ZNF875: variants seen among roughly 807,000 people sequenced by gnomAD.
ZNF875 encodes the protein HKR1, GLI-Kruppel zinc finger family member.
Under a neutral mutation model 11.2 loss-of-function variants are expected in ZNF875, and 14 were observed. That is an observed-to-expected ratio of 1.26 (90% CI 0.83 to 1.96). The LOEUF (loss-of-function observed/expected upper bound fraction) is 1.96, where lower values mean the gene tolerates loss of function less well. Among genes scored for constraint, ZNF875 ranks in the 30% most tolerant of loss-of-function variants. The pLI is 0.00. For synonymous variants in ZNF875, 301 were observed against 281.1 expected (o/e 1.07, Z -0.71); for missense variants, 752 against 760.4 (o/e 0.99, Z 0.13).
chr19:37,324,434 A>T (rs1279857826), intron 4 of ZNF875, among the ~76,000 whole-genome samples: 4 of 152,268 alleles, frequency 2.6e-5, no homozygotes, highest in African/African-American at 4.8e-5. Context: ...TGGTTTTTTT[A>T]AAATTACTGC....
rs183568075 is a variant in ZNF875, at chr19:37,335,119, G to T, written c.-56-50G>T. 2.7e-3 allele frequency: 1,847 copies of T among 675,638 alleles called. 5 individuals are homozygous for T. The highest frequency in any genetic ancestry group is 4.4e-3 in the Non-Finnish European group (1,614 of 365,824). 41.9% of individuals were successfully genotyped at this position (675,638 alleles called of 1,614,324 possible). A position where few individuals can be genotyped will look rare whatever the true frequency, so the allele number is the denominator to read the frequency against. The stretch of plus-strand genomic sequence containing the variant: ...TGGAGCGGACTGCGCTTCACTTCGT[G>T]GGGAGGGTGTTTCCACCTAGGCCAC... On this transcript the variant is annotated intron_variant, in intron 1 of 4. Coordinates refer to ENST00000392153, the MANE Select transcript of ZNF875 (RefSeq NM_001353803.2).
intron 3 of ZNF875, among the ~76,000 whole-genome samples, chr19:37,324,032 A>G (rs1318570552): frequency 6.6e-6 from 1 of 152,188 alleles, no homozygotes; most frequent in African/African-American, 2.4e-5. Flanking sequence ...TGATCCTAAC[A>G]GTTTAAAATT....
intron 4 of ZNF875, chr19:37,324,779 CT>C (rs11287385): frequency 0.97 from 147,080 of 150,994 alleles, 71,624 homozygotes; most frequent in African/African-American, 1. Context: ...ACCTCTCTCT[CT>C]TTTTTTTTTT....
At position 37,362,561 on chromosome 19, in the gene ZNF875, A is replaced by T; in HGVS notation, c.709A>T (p.Lys237Ter). Residue 237 changes from lysine (K) to a stop codon, truncating the protein, a stop_gained, in exon 5 of 5, where the codon AAG becomes TAG. Transcript: ENST00000392153. LOFTEE classifies it low-confidence loss of function (END_TRUNC). Reference protein sequence around the residue: ...KYEEFGPGFIKESNLLSLQKT... With the variant: ...KYEEFGPGFI ...TGAAGAGTTTGGGCCAGGCTTTATC[A>T]AGGAGTCAAACCTCCTTAGCCTCCA... is the stretch of plus-strand genomic sequence containing the variant. The T allele has an allele frequency of 6.2e-7, 1 of 1,614,208 alleles. No individual in the cohort carries two copies. Among genetic ancestry groups the T allele is most frequent in the South Asian group, 1.1e-5 (1 of 91,084 alleles).
At chr19:37,337,587 G>A (rs1417329238) in intron 2 of ZNF875, 1 of 152,166 alleles carries the variant, frequency 6.6e-6, no homozygotes, top group African/African-American at 2.4e-5. Flanking sequence ...TGGGATTACA[G>A]GTGGCGCCAC....
At chr19:37,345,501 A>G (rs2146226648) in intron 2 of ZNF875, among the ~76,000 whole-genome samples, 1 of 152,292 alleles carries the variant, frequency 6.6e-6, no homozygotes, top group South Asian at 2.1e-4. Flanking sequence ...TGATGGAGGC[A>G]TTCTGAGAAG....
upstream of ZNF875, chr19:37,317,101 A>C (rs2030261473): frequency 1.3e-5 from 2 of 148,404 alleles, no homozygotes; most frequent in South Asian, 2.2e-4. Flanking sequence ...CAGCCTCCGG[A>C]GTAGATGGGA....
At chr19:37,325,465 G>A (rs1420187726) in intron 4 of ZNF875, among the ~76,000 whole-genome samples, 1 of 151,840 alleles carries the variant, frequency 6.6e-6, no homozygotes, top group Non-Finnish European at 1.5e-5. Context: ...TGAAATTAAT[G>A]TTTTATTTCA....
Position 37,335,371 on chromosome 19 carries a change from A to C in ZNF875, c.33+114A>C, listed in dbSNP as rs2034138671. The C allele has an allele frequency of 1.4e-5, 8 of 589,844 alleles. No individual in the cohort carries two copies. In the East Asian group the frequency reaches 2.3e-4, roughly 17 times the overall value. 36.5% of individuals were successfully genotyped at this position (589,844 alleles called of 1,614,324 possible). A position where few individuals can be genotyped will look rare whatever the true frequency, so the allele number is the denominator to read the frequency against. ...GGCAAAGTCATTCCTAGCCCTAGTC[A>C]TTCCTAGTCCATAGAACAAGGAGGA... On this transcript the variant is annotated intron_variant, in intron 2 of 4. Coordinates refer to ENST00000392153, the MANE Select transcript of ZNF875 (RefSeq NM_001353803.2).
At chr19:37,347,409 T>TA in intron 3 of ZNF875, 93 bp downstream of exon 3, 1 of 1,230,842 alleles carries the variant, frequency 8.1e-7, no homozygotes, top group Non-Finnish European at 1.1e-6. Flanking sequence ...ACCTTTCCCT[T>TA]AGAGTTGAGC....
At chr19:37,350,654 A>G (rs887034619) in intron 4 of ZNF875, among the ~76,000 whole-genome samples, 2 of 152,028 alleles carry the variant, frequency 1.3e-5, no homozygotes, top group Non-Finnish European at 1.5e-5. Context: ...TTCATTACAT[A>G]AATAAGATTT....
At chr19:37,346,685 C>T (rs10417844) in intron 2 of ZNF875, 43,087 of 159,618 alleles carry the variant, frequency 0.27, 7,384 homozygotes, top group African/African-American at 0.48. Flanking sequence ...TTTGTTTGCT[C>T]TTATCCTCCC....
At chr19:37,323,123 G>T (rs1355075093) in intron 2 of ZNF875, among the ~76,000 whole-genome samples, 2 of 151,522 alleles carry the variant, frequency 1.3e-5, no homozygotes, top group Non-Finnish European at 2.9e-5. Flanking sequence ...CTAAAGGAGG[G>T]TCACAAGGAG....
chr19:37,348,467 A>G (rs1246958911), intron 4 of ZNF875, among the ~76,000 whole-genome samples: 1 of 152,122 alleles, frequency 6.6e-6, no homozygotes, highest in Non-Finnish European at 1.5e-5. Flanking sequence ...CATTTCCTTC[A>G]TATGTATGAA....
chr19:37,338,939 A>G (rs2035090924), intron 2 of ZNF875, among the ~76,000 whole-genome samples: 1 of 152,218 alleles, frequency 6.6e-6, no homozygotes, highest in South Asian at 2.1e-4. Flanking sequence ...CCTTTGCCTG[A>G]GAGGATAAAT....
chr19:37,320,534 A>G (rs114152175), intron 1 of ZNF875, among the ~76,000 whole-genome samples: 3,761 of 152,316 alleles, frequency 0.025, 179 homozygotes, highest in African/African-American at 0.085. Context: ...AGCTCAAACC[A>G]TCATTTTATT....
intron 4 of ZNF875, among the ~76,000 whole-genome samples, chr19:37,352,178 T>G (rs2146400669): frequency 6.6e-6 from 1 of 152,290 alleles, no homozygotes; most frequent in African/African-American, 2.4e-5. Flanking sequence ...CAATACCGCT[T>G]GTCTTCAGGT....
At chr19:37,317,701 TC>T (rs1412581606), upstream of ZNF875, among the ~76,000 whole-genome samples, 7 of 152,136 alleles carry the variant, frequency 4.6e-5, no homozygotes, top group Non-Finnish European at 1.0e-4. Context: ...TGTAGGCGGG[TC>T]AGGCCCAAGC....
In ZNF875 at chr19:37,363,049, TGA is replaced by T; in HGVS notation, c.1199_1200del (p.Glu400AlafsTer4). 1 of 1,614,078 alleles carries T rather than the reference TGA, an allele frequency of 6.2e-7. No individual in the cohort carries two copies. Among genetic ancestry groups the T allele is most frequent in the Non-Finnish European group, 8.5e-7 (1 of 1,180,014 alleles). Reference sequence around the variant, plus strand: ...AGAAGCCTTACATTTGCAGGGAGTGTGAGCAAGGCTTTAGCCAGAAGTCACAC... The same window carrying T: ...AGAAGCCTTACATTTGCAGGGAGTGTGCAAGGCTTTAGCCAGAAGTCACAC... ...GEKPYICRECEQGFSQKSHLI... is the reference protein window; with the variant it reads ...GEKPYICRECXQGFSQKSHLI... On this transcript the variant is annotated frameshift_variant, in exon 5 of 5. Coordinates refer to ENST00000392153, the MANE Select transcript of ZNF875 (RefSeq NM_001353803.2). LOFTEE classifies it low-confidence loss of function (END_TRUNC).
Sources: gnomAD v4.1 joint callset for allele counts (sites outside exome capture counted in the v4.1 genomes callset) on GRCh38, gnomAD v4.1.1 for gene constraint, MANE v1.5 for transcripts, NCBI Gene and HGNC (gene_info 2026-07-23, HGNC 2026-07-21) for gene names.